ADAMTSL3: variants seen among roughly 807,000 people sequenced by gnomAD.
The protein encoded by ADAMTSL3 is ADAMTS-like protein 3.
Under a neutral mutation model 201.7 loss-of-function variants are expected in ADAMTSL3, and 128 were observed. That is an observed-to-expected ratio of 0.63 (90% CI 0.55 to 0.73). ADAMTSL3 has a LOEUF of 0.73. Ranked by LOEUF, ADAMTSL3 falls within the 30% of genes least tolerant of loss-of-function variation. ADAMTSL3 has a pLI of 0.00. For synonymous variants in ADAMTSL3, 738 were observed against 748.4 expected, an observed-to-expected ratio of 0.99 and a Z score of 0.23; for missense variants, 1,990 against 2,119.6, an observed-to-expected ratio of 0.94 and a Z score of 1.20.
At chr15:84,030,437 C>T (rs1215994845) in intron 27 of ADAMTSL3, among the ~76,000 whole-genome samples, 1 of 152,162 alleles carries the variant, frequency 6.6e-6, no homozygotes, top group Non-Finnish European at 1.5e-5. Context: ...TTTGACTGCC[C>T]CATTGGATTT....
At chr15:83,673,221 AC>A (rs1407729684) in intron 2 of ADAMTSL3, among the ~76,000 whole-genome samples, 1 of 152,248 alleles carries the variant, frequency 6.6e-6, no homozygotes, top group African/African-American at 2.4e-5. Context: ...GCGCTTAGCA[AC>A]CAGACACTTT....
chr15:83,687,846 C>T (rs2061558784), intron 2 of ADAMTSL3, among the ~76,000 whole-genome samples: 1 of 151,970 alleles, frequency 6.6e-6, no homozygotes, highest in Admixed American at 6.5e-5. Context: ...GAACAGCCAC[C>T]AACTAAGAGT....
chr15:84,008,234 C>T (rs2067931740), intron 23 of ADAMTSL3, among the ~76,000 whole-genome samples: 1 of 152,034 alleles, frequency 6.6e-6, no homozygotes, highest in South Asian at 2.1e-4. Context: ...CTCAGCCTCC[C>T]GAGAAGCTGG....
chr15:83,954,665 C>T (rs1233085575), intron 19 of ADAMTSL3, among the ~76,000 whole-genome samples: 1 of 152,156 alleles, frequency 6.6e-6, no homozygotes, highest in African/African-American at 2.4e-5. Context: ...GGAAGCCTTT[C>T]CAAGTATTCA....
chr15:83,912,299 G>A (rs2065948447), intron 15 of ADAMTSL3, among the ~76,000 whole-genome samples: 1 of 152,122 alleles, frequency 6.6e-6, no homozygotes, highest in African/African-American at 2.4e-5. Flanking sequence ...TTATATTCCA[G>A]TAAAACTTTA....
chr15:83,895,358 C>T (rs1252550844), intron 13 of ADAMTSL3, among the ~76,000 whole-genome samples: 1 of 152,162 alleles, frequency 6.6e-6, no homozygotes, highest in Non-Finnish European at 1.5e-5. Flanking sequence ...TTTCAGCTCT[C>T]ATAAGTCCTA....
chr15:83,674,855 A>C (rs1381324595), intron 2 of ADAMTSL3, among the ~76,000 whole-genome samples: 2 of 148,698 alleles, frequency 1.3e-5, no homozygotes, highest in African/African-American at 4.9e-5. Flanking sequence ...GAGGATAAAC[A>C]TTTTTACTGT....
chr15:83,828,492 T>C (rs1369507826), intron 6 of ADAMTSL3, among the ~76,000 whole-genome samples: 5 of 152,234 alleles, frequency 3.3e-5, no homozygotes, highest in African/African-American at 9.6e-5. Flanking sequence ...TTTGACTTCC[T>C]CTTTTCCTAA....
intron 3 of ADAMTSL3, among the ~76,000 whole-genome samples, chr15:83,759,410 A>G (rs1255053421): frequency 1.3e-5 from 2 of 152,074 alleles, no homozygotes; most frequent in Admixed American, 1.3e-4. Flanking sequence ...TATTTTTAGT[A>G]GAGACGGGGT....
chr15:83,682,600 A>G (rs1333302587), intron 2 of ADAMTSL3, among the ~76,000 whole-genome samples: 2 of 152,186 alleles, frequency 1.3e-5, no homozygotes, highest in Non-Finnish European at 2.9e-5. Flanking sequence ...TGGAAGAGGA[A>G]CTAAGTTGGT....
At chr15:83,986,891 A>C (rs542285919) in intron 21 of ADAMTSL3, among the ~76,000 whole-genome samples, 1 of 152,324 alleles carries the variant, frequency 6.6e-6, no homozygotes, top group African/African-American at 2.4e-5. Context: ...CCAAGGTCAT[A>C]TGTGTTACAG....
intron 16 of ADAMTSL3, among the ~76,000 whole-genome samples, chr15:83,916,943 C>G (rs1051699363): frequency 6.6e-6 from 1 of 152,094 alleles, no homozygotes; most frequent in African/African-American, 2.4e-5. Context: ...TTTGACTGTC[C>G]CAACCACACT....
Position 83,776,286 on chromosome 15 carries a change from C to T in ADAMTSL3, c.317+2636C>T, listed in dbSNP as rs952220838. Among the ~76,000 whole-genome samples the T allele has an allele frequency of 4.6e-5, 7 of 152,328 alleles. No individual in the cohort carries two copies. The South Asian group carries it at 1.4e-3, about 32-fold the overall frequency. ...AGAAGTTCTTCCTGTAAGTCTCTGG[C>T]TCCAGAACCTTTTAATTCCCTTGAT... On this transcript the variant is annotated intron_variant, in intron 4 of 29. Coordinates refer to ENST00000286744, the MANE Select transcript of ADAMTSL3 (RefSeq NM_207517.3).
rs191503396 is a variant in ADAMTSL3, at chr15:83,879,455, A to G, written c.961-5646A>G. On this transcript the variant is annotated intron_variant, in intron 9 of 29. Coordinates refer to ENST00000286744, the MANE Select transcript of ADAMTSL3 (RefSeq NM_207517.3). ...ATTTTGATATGAAATGTTTTCCTTC[A>G]TCATTCAGTTAAATTACTTTGTAAG... Among the ~76,000 whole-genome samples, 820 of 152,204 alleles carry G rather than the reference A, an allele frequency of 5.4e-3. 9 individuals are homozygous for G. The highest frequency in any genetic ancestry group is 0.032 in the South Asian group (152 of 4,824).
chr15:83,980,794 A>C (rs991617096), intron 20 of ADAMTSL3, among the ~76,000 whole-genome samples: 1 of 152,202 alleles, frequency 6.6e-6, no homozygotes, highest in Non-Finnish European at 1.5e-5. Flanking sequence ...GAACCTGTTG[A>C]CACCACGAAA....
Position 83,913,389 on chromosome 15 carries a change from C to T in ADAMTSL3, c.1987+11C>T, listed in dbSNP as rs762736997. 7 of 1,610,854 alleles carry T rather than the reference C, an allele frequency of 4.3e-6. No homozygotes were observed. Among genetic ancestry groups the T allele is most frequent in the Middle Eastern group, 1.6e-4 (1 of 6,062 alleles). ...CAACATGCGTGGGAGGTATTTGAAC[C>T]TTTGCTTAAGGGACAGTTATGTTGT... On this transcript the variant is annotated intron_variant, in intron 16 of 29. Coordinates refer to ENST00000286744, the MANE Select transcript of ADAMTSL3 (RefSeq NM_207517.3).
At chr15:83,661,542 C>G (rs1158970650) in intron 2 of ADAMTSL3, among the ~76,000 whole-genome samples, 1 of 152,020 alleles carries the variant, frequency 6.6e-6, no homozygotes, top group African/African-American at 2.4e-5. Flanking sequence ...CTCTTTGAAG[C>G]AATTGTGAAC....
rs1165897440 is a variant in ADAMTSL3, at chr15:83,991,066, C to G, written c.3845-20C>G. On this transcript the variant is annotated intron_variant, in intron 22 of 29. Transcript: ENST00000286744. ...CAAAAGCCTGAACCTAACATAGTTT[C>G]CTGCTCCCTTTGAATTAAGAGGCAC... The G allele has an allele frequency of 8.1e-6, 13 of 1,614,058 alleles. No individual in the cohort carries two copies. The highest frequency in any genetic ancestry group is 1.1e-5 in the Non-Finnish European group (13 of 1,179,968).
At chr15:83,956,674 C>T (rs957964310) in intron 19 of ADAMTSL3, among the ~76,000 whole-genome samples, 2 of 146,028 alleles carry the variant, frequency 1.4e-5, no homozygotes, top group African/African-American at 5.1e-5. Context: ...ACACACACCG[C>T]ACAGGCACAC....
Sources: gnomAD v4.1 joint callset for allele counts (sites outside exome capture counted in the v4.1 genomes callset) on GRCh38, gnomAD v4.1.1 for gene constraint, MANE v1.5 for transcripts, NCBI Gene and HGNC (gene_info 2026-07-23, HGNC 2026-07-21) for gene names.